Variants in PAK5 observed in about 807,000 individuals in gnomAD.
The protein encoded by PAK5 is serine/threonine-protein kinase PAK 5.
PAK5 carries 16 observed loss-of-function variants against 65.9 expected under a neutral mutation model. That is an observed-to-expected ratio of 0.24 (90% CI 0.16 to 0.37). The LOEUF is 0.37. Among genes scored for constraint, PAK5 ranks in the 10% least tolerant of loss-of-function variants. PAK5 has a pLI of 1.00. For synonymous variants in PAK5, 371 were observed against 354.9 expected, an observed-to-expected ratio of 1.05 and a Z score of -0.51; for missense variants, 785 against 903.9, an observed-to-expected ratio of 0.87 and a Z score of 1.69.
chr20:9,662,213 T>C (rs2047356538), intron 2 of PAK5, among the ~76,000 whole-genome samples: 1 of 152,156 alleles, frequency 6.6e-6, no homozygotes. Flanking sequence ...TTTCCAACTG[T>C]GATCACTTCT....
intron 2 of PAK5, among the ~76,000 whole-genome samples, chr20:9,661,409 T>C (rs1019333838): frequency 2.6e-5 from 4 of 152,098 alleles, no homozygotes; most frequent in Non-Finnish European, 5.9e-5. Flanking sequence ...AGGTGAACAA[T>C]TGTTTTTTTC....
chr20:9,555,159 A>T (rs1379183696), intron 7 of PAK5, among the ~76,000 whole-genome samples: 1 of 152,232 alleles, frequency 6.6e-6, no homozygotes, highest in African/African-American at 2.4e-5. Context: ...TAGGATTTAG[A>T]ACTGTCTGTT....
intron 7 of PAK5, among the ~76,000 whole-genome samples, chr20:9,553,072 C>G (rs533070260): frequency 1.8e-4 from 27 of 152,194 alleles, no homozygotes; most frequent in Admixed American, 3.3e-4. Flanking sequence ...GAAGTTGCAA[C>G]GTGCACCCGT....
chr20:9,691,839 C>T (rs766437949), intron 2 of PAK5, among the ~76,000 whole-genome samples: 1 of 152,112 alleles, frequency 6.6e-6, no homozygotes, highest in Non-Finnish European at 1.5e-5. Flanking sequence ...TTTTTATAAA[C>T]ATTTTTATTT....
chr20:9,768,712 G>A (rs575571463), intron 1 of PAK5, among the ~76,000 whole-genome samples: 55 of 150,582 alleles, frequency 3.7e-4, no homozygotes, highest in African/African-American at 1.2e-3. Flanking sequence ...GAATCCAGGC[G>A]GCTGAGGTTG....
intron 1 of PAK5, among the ~76,000 whole-genome samples, chr20:9,783,178 C>A (rs2048960384): frequency 1.3e-5 from 2 of 152,100 alleles, no homozygotes; most frequent in Non-Finnish European, 2.9e-5. Context: ...TCCGGTGATG[C>A]ACCCACCCTA....
At chr20:9,744,409 C>A (rs1427564965) in intron 1 of PAK5, among the ~76,000 whole-genome samples, 1 of 152,148 alleles carries the variant, frequency 6.6e-6, no homozygotes, top group Non-Finnish European at 1.5e-5. Context: ...CTGGCTTGTG[C>A]TCCTAATGTA....
chr20:9,611,736 G>A (rs2046564884), intron 3 of PAK5, among the ~76,000 whole-genome samples: 1 of 152,130 alleles, frequency 6.6e-6, no homozygotes, highest in Non-Finnish European at 1.5e-5. Context: ...GAAGACAGTG[G>A]AAAAAGTTTT....
rs533597458 is a variant in PAK5, at chr20:9,825,283, A to C, written c.-162+13479T>G. Among the ~76,000 whole-genome samples, 8 of 152,336 alleles carry C rather than the reference A, an allele frequency of 5.3e-5. No individual in the cohort carries two copies. In the South Asian group the frequency reaches 8.3e-4, roughly 16 times the overall value. Reference sequence around the variant, plus strand: ...CCAAGCAAATAAAAACTCTAGGGACAACTCTGGAATTTTCTATCTCACTTG... The same window carrying C: ...CCAAGCAAATAAAAACTCTAGGGACCACTCTGGAATTTTCTATCTCACTTG... On this transcript the variant is annotated intron_variant, in intron 1 of 9. Coordinates refer to ENST00000353224, the MANE Select transcript of PAK5 (RefSeq NM_177990.4).
chr20:9,731,755 TG>T (rs993358263), intron 1 of PAK5, among the ~76,000 whole-genome samples: 1 of 152,200 alleles, frequency 6.6e-6, no homozygotes, highest in Non-Finnish European at 1.5e-5. Context: ...TAATGGAAAT[TG>T]GCTCATTTGT....
At chr20:9,660,527 G>A (rs754530190) in intron 2 of PAK5, among the ~76,000 whole-genome samples, 8 of 151,772 alleles carry the variant, frequency 5.3e-5, no homozygotes, top group East Asian at 2.0e-4. Context: ...GGAAAATTAC[G>A]TAGTATATTA....
chr20:9,696,810 A>G (rs1344048805), intron 2 of PAK5, among the ~76,000 whole-genome samples: 1 of 152,106 alleles, frequency 6.6e-6, no homozygotes, highest in African/African-American at 2.4e-5. Context: ...TTTGTGGATT[A>G]GAATATACAA....
chr20:9,743,808 A>G (rs1382975140), intron 1 of PAK5, among the ~76,000 whole-genome samples: 1 of 152,148 alleles, frequency 6.6e-6, no homozygotes, highest in Non-Finnish European at 1.5e-5. Flanking sequence ...TGGCCCCTCA[A>G]AAGATATCCA....
chr20:9,617,631 C>T (rs543042945), intron 3 of PAK5, among the ~76,000 whole-genome samples: 1 of 145,882 alleles, frequency 6.9e-6, no homozygotes, highest in South Asian at 2.3e-4. Flanking sequence ...TCTCGGCTCA[C>T]TGCAAGCTCC....
chr20:9,668,509 C>T (rs1220461594), intron 2 of PAK5, among the ~76,000 whole-genome samples: 1 of 152,124 alleles, frequency 6.6e-6, no homozygotes, highest in Non-Finnish European at 1.5e-5. Context: ...TTCTCATTTG[C>T]CCTTTCTTAT....
At chr20:9,650,585 T>G (rs2047190406) in intron 2 of PAK5, among the ~76,000 whole-genome samples, 1 of 152,246 alleles carries the variant, frequency 6.6e-6, no homozygotes, top group Non-Finnish European at 1.5e-5. Flanking sequence ...CCTCCAGTTT[T>G]CAGTCCCTGT....
rs537850501 is a variant in PAK5 at position 9,703,543 on chromosome 20, C to T, written c.-12+7743G>A. 6.8e-4 allele frequency among the ~76,000 whole-genome samples: 103 copies of T among 152,174 alleles called. 1 individual carries two copies. The highest frequency in any genetic ancestry group is 1.3e-3 in the Non-Finnish European group (87 of 68,000). On this transcript the variant is annotated intron_variant, in intron 2 of 9. Transcript: ENST00000353224. ...AGGTGGAAGTTATTGGGGGAGGGTGCTAAGTGAAAATGCTACATAAACTGT... is the reference window on the plus strand; with the variant it reads ...AGGTGGAAGTTATTGGGGGAGGGTGTTAAGTGAAAATGCTACATAAACTGT...
chr20:9,829,642 C>T (rs916373015), intron 1 of PAK5, among the ~76,000 whole-genome samples: 3 of 152,086 alleles, frequency 2.0e-5, no homozygotes, highest in African/African-American at 7.2e-5. Context: ...TGAGTGTTAC[C>T]TTTCTAAAAC....
intron 9 of PAK5, among the ~76,000 whole-genome samples, chr20:9,541,974 G>T (rs1037569627): frequency 6.6e-6 from 1 of 152,086 alleles, no homozygotes. Context: ...GCCTCTCCAG[G>T]CATGTGGAAC....
Sources: allele counts gnomAD v4.1 joint callset (sites outside exome capture counted in the v4.1 genomes callset), GRCh38; gene constraint gnomAD v4.1.1; transcripts MANE v1.5; gene names NCBI Gene and HGNC (gene_info 2026-07-23, HGNC 2026-07-21).